ARFGEF3: variants seen among roughly 807,000 people sequenced by gnomAD.
ARFGEF3 encodes brefeldin A-inhibited guanine nucleotide-exchange protein 3.
ARFGEF3 carries 96 observed loss-of-function variants against 221.7 expected under a neutral mutation model. That is an observed-to-expected ratio of 0.43 (90% CI 0.37 to 0.51). The LOEUF (loss-of-function observed/expected upper bound fraction) is 0.51, where lower values mean the gene tolerates loss of function less well. Ranked by LOEUF, ARFGEF3 falls within the 20% of genes least tolerant of loss-of-function variation. The pLI, the probability that ARFGEF3 is intolerant of heterozygous loss-of-function variation, is 0.00. For synonymous variants in ARFGEF3, 1,145 were observed against 1,126.8 expected, an observed-to-expected ratio of 1.02 and a Z score of -0.32; for missense variants, 2,410 against 2,789.9, an observed-to-expected ratio of 0.86 and a Z score of 3.07.
At chr6:138,253,793 C>A in intron 8 of ARFGEF3, 87 bp from the exon 9 acceptor site, 1 of 1,040,782 alleles carries the variant, frequency 9.6e-7, no homozygotes, top group Non-Finnish European at 1.4e-6. Context: ...TAACGCCTAC[C>A]ATTTTTCCGA....
chr6:138,299,333 G>A (rs1006508325), intron 22 of ARFGEF3, among the ~76,000 whole-genome samples: 3 of 150,480 alleles, frequency 2.0e-5, no homozygotes, highest in Non-Finnish European at 3.0e-5. Flanking sequence ...TTTGACTAAG[G>A]ATACATAATC....
chr6:138,229,843 G>T lies in ARFGEF3; in HGVS notation c.411G>T (p.Lys137Asn), dbSNP rs1778156586. 1.9e-6 allele frequency: 3 copies of T among 1,613,594 alleles called. No homozygotes were observed. The East Asian group carries it at 6.7e-5, about 36-fold the overall frequency. Residue 137 changes from lysine (K) to asparagine (N), a missense_variant, in exon 5 of 34, where the codon AAG becomes AAT. Lys to Asn is a moderately conservative substitution (Grantham distance 94, BLOSUM62 0). Transcript: ENST00000251691. Reference protein sequence around the residue: ...TFDLNGSAVLKIAEVCIETYI... With the variant: ...TFDLNGSAVLNIAEVCIETYI... ...ATCTGAATGGGAGTGCCGTGCTGAA[G>T]ATCGCGGAGGTGAGTACTGCTTGTG...
intron 8 of ARFGEF3, among the ~76,000 whole-genome samples, chr6:138,249,503 A>G (rs766590267): frequency 2.0e-5 from 3 of 151,638 alleles, no homozygotes; most frequent in Non-Finnish European, 2.9e-5. Context: ...CTAATTTTTT[A>G]TATTTTTGGT....
chr6:138,220,365 A>G (rs1777961603), intron 4 of ARFGEF3, among the ~76,000 whole-genome samples: 1 of 152,180 alleles, frequency 6.6e-6, no homozygotes, highest in Admixed American at 6.5e-5. Context: ...ATATATCTAT[A>G]TATATGTAGT....
intron 19 of ARFGEF3, among the ~76,000 whole-genome samples, 178 bp from the exon 20 acceptor site, chr6:138,293,815 C>A (rs1779457534): frequency 6.6e-6 from 1 of 152,158 alleles, no homozygotes; most frequent in Admixed American, 6.5e-5. Flanking sequence ...GAATTAAAAT[C>A]TCACAGTTAG....
chr6:138,239,235 C>T (rs1167971462), intron 6 of ARFGEF3, among the ~76,000 whole-genome samples: 1 of 152,290 alleles, frequency 6.6e-6, no homozygotes, highest in East Asian at 1.9e-4. Flanking sequence ...AGTGATTCCT[C>T]TTCAAAATTG....
intron 32 of ARFGEF3, 136 bp downstream of exon 32, chr6:138,328,278 A>G: frequency 8.9e-7 from 1 of 1,123,644 alleles, no homozygotes; most frequent in South Asian, 1.8e-5. Context: ...AAAGGTTTTC[A>G]TAAAAACTGT....
intron 29 of ARFGEF3, 97 bp downstream of exon 29, chr6:138,321,322 G>A (rs1780022867): frequency 1.5e-6 from 1 of 679,386 alleles, no homozygotes; most frequent in African/African-American, 1.8e-5. Flanking sequence ...CGACTTTTTG[G>A]ATTGCTTTCT....
intron 22 of ARFGEF3, among the ~76,000 whole-genome samples, chr6:138,300,499 A>G (rs1430999188): frequency 6.6e-6 from 1 of 152,238 alleles, no homozygotes; most frequent in African/African-American, 2.4e-5. Context: ...ACTATAGGGC[A>G]GTGAAGAACT....
At chr6:138,254,011 C>G (rs771164233) in intron 9 of ARFGEF3, 27 bp downstream of exon 9, 1 of 1,471,002 alleles carries the variant, frequency 6.8e-7, no homozygotes, top group Non-Finnish European at 9.1e-7. Context: ...GACGCCCCGA[C>G]GCTGATGCCA....
intron 12 of ARFGEF3, among the ~76,000 whole-genome samples, chr6:138,276,726 T>C (rs943371952): frequency 5.9e-5 from 9 of 152,184 alleles, no homozygotes; most frequent in Non-Finnish European, 1.3e-4. Flanking sequence ...AATGTAGTGG[T>C]GTGATCTCAG....
chr6:138,336,157 C>T, intron 33 of ARFGEF3, 138 bp from the exon 34 acceptor site: 1 of 556,694 alleles, frequency 1.8e-6, no homozygotes, highest in Non-Finnish European at 3.1e-6. Flanking sequence ...TTATTATAGG[C>T]ATATTAAATG....
chr6:138,162,279 C>T lies in ARFGEF3; in HGVS notation c.85+108C>T. The stretch of plus-strand genomic sequence containing the variant: ...CGGAGCGTCGGTCATGGGTGCCGTT[C>T]TGGCGATTGCGAGAGTCGCCTCGGG... On this transcript the variant is annotated intron_variant, in intron 1 of 33. Coordinates refer to ENST00000251691, the MANE Select transcript of ARFGEF3 (RefSeq NM_020340.5). This position sits in a 1 kb window ranked among gnomAD's most constrained non-coding sequence, Gnocchi z 4.7. 1 of 697,156 alleles carries T rather than the reference C, an allele frequency of 1.4e-6. No homozygotes were observed. The highest frequency in any genetic ancestry group is 2.3e-6 in the Non-Finnish European group (1 of 439,324). The allele number at this position is 697,156 out of a possible 1,614,324, so 43.2% of individuals were successfully genotyped here.
rs1778240534 is a variant in ARFGEF3, at chr6:138,234,011, G to T, written c.420+4159G>T. 4.6e-5 allele frequency among the ~76,000 whole-genome samples: 7 copies of T among 152,228 alleles called. 1 individual carries two copies. In the South Asian group the frequency reaches 1.5e-3, roughly 32 times the overall value. Reference sequence around the variant, plus strand: ...TGTGTGCCAGTCTCTATTGATTCTGGTTTGACTCCTCTGAGGAGTCTGTTC... The same window carrying T: ...TGTGTGCCAGTCTCTATTGATTCTGTTTTGACTCCTCTGAGGAGTCTGTTC... On this transcript the variant is annotated intron_variant, in intron 5 of 33. Coordinates refer to ENST00000251691, the MANE Select transcript of ARFGEF3 (RefSeq NM_020340.5).
At chr6:138,176,864 G>A (rs1776960215) in intron 2 of ARFGEF3, among the ~76,000 whole-genome samples, 1 of 151,876 alleles carries the variant, frequency 6.6e-6, no homozygotes, top group Admixed American at 6.6e-5. Context: ...CATTTATGAA[G>A]CTTATTCTTT....
rs762613659 is a variant in ARFGEF3 at position 138,321,118 on chromosome 6, G to T, written c.4659G>T (p.Arg1553Ser). 4 of 1,552,292 alleles carry T rather than the reference G, an allele frequency of 2.6e-6. No individual in the cohort carries two copies. In the East Asian group the frequency reaches 7.2e-5, roughly 28 times the overall value. ...TTTTGCTGTTTCCCATAGATATCAGGTACGAGAGCATGATCAATACCATGC... is the reference window on the plus strand; with the variant it reads ...TTTTGCTGTTTCCCATAGATATCAGTTACGAGAGCATGATCAATACCATGC... The part of the protein sequence containing the change: ...HIQSFLHSDI[R>S]YESMINTMLK... The change falls in exon 29 of 34, where the codon AGG becomes AGT. Residue 1553 changes from arginine to serine, a missense_variant. By Grantham distance (110) the Arg-to-Ser change is moderately radical. Around this residue, in one of 5 missense-constraint regions of ARFGEF3, gnomAD observed 723 missense variants for 991.9 expected, o/e 0.73. Coordinates refer to ENST00000251691, the MANE Select transcript of ARFGEF3 (RefSeq NM_020340.5).
chr6:138,169,425 T>C (rs1049497458), intron 1 of ARFGEF3, among the ~76,000 whole-genome samples: 11 of 152,230 alleles, frequency 7.2e-5, no homozygotes, highest in Admixed American at 2.0e-4. Flanking sequence ...CTTATAGAGC[T>C]GGGCACTGTT....
chr6:138,323,504 G>A (rs71560666), intron 29 of ARFGEF3, among the ~76,000 whole-genome samples, 167 bp from the exon 30 acceptor site: 10,845 of 151,980 alleles, frequency 0.071, 550 homozygotes, highest in Non-Finnish European at 0.11. Flanking sequence ...CCAGCTACTC[G>A]GGAGGCTGAG....
rs764430979 is a variant in ARFGEF3 at position 138,313,938 on chromosome 6, C to T, written c.4344C>T (p.Thr1448=). The change falls in exon 26 of 34, where the codon ACC becomes ACT. Residue 1448 remains threonine (T), a splice_region_variant and synonymous_variant. Transcript: ENST00000251691. ...ESVLSDFDDD[T]GLIEVWIILL... ...TCCTGTCTGATTTTGATGATGACAC[C>T]GGTAAGCTAATTGATTGGACTAAAC... is the stretch of plus-strand genomic sequence containing the variant. 1.2e-5 allele frequency: 19 copies of T among 1,613,358 alleles called. 1 individual carries two copies. Among genetic ancestry groups the T allele is most frequent in the Middle Eastern group, 1.6e-4 (1 of 6,084 alleles).
Sources: allele counts gnomAD v4.1 joint callset (sites outside exome capture counted in the v4.1 genomes callset), GRCh38; gene constraint gnomAD v4.1.1; regional missense constraint gnomAD v4.1.1; non-coding constraint Gnocchi (gnomAD v3.1); transcripts MANE v1.5; gene names NCBI Gene and HGNC (gene_info 2026-07-23, HGNC 2026-07-21).